Variants in ST6GALNAC5 observed in about 807,000 individuals in gnomAD.
The protein encoded by ST6GALNAC5 is alpha-N-acetylgalactosaminide alpha-2,6-sialyltransferase 5.
In ST6GALNAC5, 27 loss-of-function variants were observed where a neutral mutation model predicts 33.6. That is an observed-to-expected ratio of 0.80 (90% CI 0.59 to 1.11). The LOEUF (loss-of-function observed/expected upper bound fraction) is 1.11, where lower values mean the gene tolerates loss of function less well. ST6GALNAC5 is among the 50% of genes least tolerant of loss of function. The probability of loss-of-function intolerance (pLI) is 0.00; values close to 1 mark genes in which losing one functional copy is unlikely to be tolerated. For missense variants in ST6GALNAC5, 428 were observed against 454.0 expected (o/e 0.94, Z 0.52); for synonymous variants, 194 against 171.2 (o/e 1.13, Z -1.04).
chr1:77,018,136 A>G (rs1650919122), intron 2 of ST6GALNAC5, among the ~76,000 whole-genome samples: 1 of 152,204 alleles, frequency 6.6e-6, no homozygotes, highest in African/African-American at 2.4e-5. Flanking sequence ...AGAAGACTGT[A>G]TCAGGGGTTC....
chr1:77,033,926 C>T (rs887363173), intron 2 of ST6GALNAC5, among the ~76,000 whole-genome samples: 4 of 152,116 alleles, frequency 2.6e-5, no homozygotes, highest in African/African-American at 9.7e-5. Flanking sequence ...TTTGAAACCC[C>T]ACTCTGGCAG....
chr1:76,869,947 G>A (rs1192039852), intron 2 of ST6GALNAC5, among the ~76,000 whole-genome samples: 1 of 152,156 alleles, frequency 6.6e-6, no homozygotes, highest in African/African-American at 2.4e-5. Context: ...TGAGAACGAT[G>A]ACTTCCCTGG....
chr1:76,982,128 G>A (rs12048334), intron 2 of ST6GALNAC5, among the ~76,000 whole-genome samples: 52,312 of 152,016 alleles, frequency 0.34, 10,946 homozygotes, highest in Non-Finnish European at 0.45. Context: ...ACAGCTCCTC[G>A]CCAGCAATGG....
Position 76,930,450 on chromosome 1 carries a change from A to T in ST6GALNAC5, c.261+61708A>T, listed in dbSNP as rs570850941. Reference sequence around the variant, plus strand: ...GTATTTTTCTAGGAGCAATAGTAGCAATTGTAGACTGACATGGTGAACATT... The same window carrying T: ...GTATTTTTCTAGGAGCAATAGTAGCTATTGTAGACTGACATGGTGAACATT... On this transcript the variant is annotated intron_variant, in intron 2 of 4. Transcript: ENST00000477717. Among the ~76,000 whole-genome samples, 13 of 152,244 alleles carry T rather than the reference A, an allele frequency of 8.5e-5. No homozygotes were observed. The South Asian group carries it at 1.5e-3, about 17-fold the overall frequency.
chr1:77,052,792 A>T (rs1384190207), intron 4 of ST6GALNAC5, among the ~76,000 whole-genome samples: 4 of 151,284 alleles, frequency 2.6e-5, no homozygotes, highest in Admixed American at 6.6e-5. Flanking sequence ...GATAGTGTGC[A>T]CCTGTAATCC....
chr1:76,898,684 C>T (rs986694085), intron 2 of ST6GALNAC5, among the ~76,000 whole-genome samples: 2 of 152,096 alleles, frequency 1.3e-5, no homozygotes, highest in African/African-American at 4.8e-5. Context: ...CTTGACTATG[C>T]CTTTAGCTTC....
In ST6GALNAC5 at chr1:76,872,477, AG is replaced by A. The variant is rs756429537; in HGVS notation, c.261+3737del. On this transcript the variant is annotated intron_variant, in intron 2 of 4. Coordinates refer to ENST00000477717, the MANE Select transcript of ST6GALNAC5 (RefSeq NM_030965.3). Reference sequence around the variant, plus strand: ...CTTGTCCTTGGTTCTTTCCATTTTTAGGCACTCAGTTATTCAGACAAATCAA... The same window carrying A: ...CTTGTCCTTGGTTCTTTCCATTTTTAGCACTCAGTTATTCAGACAAATCAA... Among the ~76,000 whole-genome samples the A allele has an allele frequency of 2.0e-4, 31 of 152,148 alleles. 1 individual carries two copies. Among genetic ancestry groups the A allele is most frequent in the Admixed American group, 6.5e-5 (1 of 15,274 alleles).
At chr1:76,901,784 G>T (rs1235765231) in intron 2 of ST6GALNAC5, among the ~76,000 whole-genome samples, 1 of 151,952 alleles carries the variant, frequency 6.6e-6, no homozygotes, top group Non-Finnish European at 1.5e-5. Flanking sequence ...TATTGATTTG[G>T]ATTTTGCTTT....
At chr1:77,044,107 G>T in intron 2 of ST6GALNAC5, 97 bp from the exon 3 acceptor site, 1 of 1,318,174 alleles carries the variant, frequency 7.6e-7, no homozygotes, top group Non-Finnish European at 1.0e-6. Flanking sequence ...GAGAAGAGAT[G>T]GGTGCCCTTC....
At chr1:76,926,284 T>G (rs1647084901) in intron 2 of ST6GALNAC5, among the ~76,000 whole-genome samples, 2 of 152,180 alleles carry the variant, frequency 1.3e-5, no homozygotes, top group South Asian at 4.1e-4. Flanking sequence ...ATATAAATCT[T>G]TTGCAAAAGT....
intron 2 of ST6GALNAC5, among the ~76,000 whole-genome samples, chr1:76,896,926 C>T (rs1368137644): frequency 2.0e-5 from 3 of 152,072 alleles, no homozygotes; most frequent in African/African-American, 7.2e-5. Context: ...CTACAGGGTG[C>T]AGTCCTGGCT....
chr1:77,029,783 G>A (rs1651385037), intron 2 of ST6GALNAC5, among the ~76,000 whole-genome samples: 1 of 152,216 alleles, frequency 6.6e-6, no homozygotes, highest in African/African-American at 2.4e-5. Context: ...ACGAGCAAAT[G>A]AGGCTTAAAA....
At chr1:76,932,311 T>C (rs3113984) in intron 2 of ST6GALNAC5, among the ~76,000 whole-genome samples, 89,509 of 151,918 alleles carry the variant, frequency 0.59, 26,683 homozygotes, top group African/African-American at 0.64. Flanking sequence ...AAGAATTAGC[T>C]TGAGATGGAA....
rs371465931 is a variant in ST6GALNAC5, at chr1:76,925,352, A to G, written c.261+56610A>G. Among the ~76,000 whole-genome samples, 184 of 152,218 alleles carry G rather than the reference A, an allele frequency of 1.2e-3. 2 individuals carry two copies. In the South Asian group the frequency reaches 0.034, roughly 28 times the overall value. ...TTAAAGCAATCTATTTGAACTTGTC[A>G]ATTCAAAGCCAAAGACATAGTTTAT... On this transcript the variant is annotated intron_variant, in intron 2 of 4. Coordinates refer to ENST00000477717, the MANE Select transcript of ST6GALNAC5 (RefSeq NM_030965.3).
At chr1:76,991,831 G>A (rs1194383202) in intron 2 of ST6GALNAC5, among the ~76,000 whole-genome samples, 1 of 125,582 alleles carries the variant, frequency 8.0e-6, no homozygotes, top group East Asian at 2.5e-4. Context: ...TCTAACTCAC[G>A]CGTGTGCGCA....
rs575092232 is a variant in ST6GALNAC5 at position 76,998,975 on chromosome 1, T to C, written c.262-45229T>C. 2.6e-5 allele frequency among the ~76,000 whole-genome samples: 4 copies of C among 152,312 alleles called. No homozygotes were observed. In the South Asian group the frequency reaches 8.3e-4, roughly 32 times the overall value. On this transcript the variant is annotated intron_variant, in intron 2 of 4. Coordinates refer to ENST00000477717, the MANE Select transcript of ST6GALNAC5 (RefSeq NM_030965.3). ...ATTTCCATGCAACATTTTTTCATTA[T>C]TACTAAGATCTGGTGACTATGAAAG...
chr1:76,897,420 T>C (rs1317644433), intron 2 of ST6GALNAC5, among the ~76,000 whole-genome samples: 1 of 152,032 alleles, frequency 6.6e-6, no homozygotes, highest in Non-Finnish European at 1.5e-5. Context: ...AATGGGGGAA[T>C]TGTAAGGAGA....
chr1:76,955,165 A>T (rs1326197663), intron 2 of ST6GALNAC5, among the ~76,000 whole-genome samples: 1 of 152,188 alleles, frequency 6.6e-6, no homozygotes. Context: ...GCACTTTTCC[A>T]AGCACACAGA....
intron 4 of ST6GALNAC5, among the ~76,000 whole-genome samples, chr1:77,052,849 C>T (rs1039383012): frequency 3.6e-5 from 5 of 137,620 alleles, no homozygotes; most frequent in Non-Finnish European, 6.1e-5. Flanking sequence ...ACCTGGGAGG[C>T]GGAGGATGCA....
Sources: gnomAD v4.1 joint callset for allele counts (sites outside exome capture counted in the v4.1 genomes callset) on GRCh38, gnomAD v4.1.1 for gene constraint, MANE v1.5 for transcripts, NCBI Gene and HGNC (gene_info 2026-07-23, HGNC 2026-07-21) for gene names.